Variants in IL1R1 observed in about 807,000 individuals in gnomAD.
The protein encoded by IL1R1 is interleukin-1 receptor type 1.
IL1R1 carries 22 observed loss-of-function variants against 50.2 expected under a neutral mutation model. The ratio of observed to expected loss-of-function variants is 0.44; its 90% CI spans 0.31 to 0.63. The LOEUF (loss-of-function observed/expected upper bound fraction) is 0.63. Ranked by LOEUF, IL1R1 falls within the 20% of genes least tolerant of loss-of-function variation. IL1R1 has a pLI of 0.07. For missense variants in IL1R1, 509 were observed against 676.2 expected, an observed-to-expected ratio of 0.75 and a Z score of 2.74; for synonymous variants, 251 against 236.7, an observed-to-expected ratio of 1.06 and a Z score of -0.55.
chr2:102,163,059 G>A (rs1559499986), intron 3 of IL1R1, among the ~76,000 whole-genome samples: 2 of 152,024 alleles, frequency 1.3e-5, no homozygotes, highest in Non-Finnish European at 2.9e-5. Flanking sequence ...GTACTTTAAC[G>A]ATATTGTTTT....
At position 102,093,146 on chromosome 2, in the gene IL1R1, C is replaced by T. The variant is rs559118250; in HGVS notation, c.-84+22613C>T. ...TTCAAGTAACTCACGTAGAACGTTT[C>T]TGAGGATTTAAGTTCCTATGGCCAA... is the stretch of plus-strand genomic sequence containing the variant. On this transcript the variant is annotated intron_variant, in intron 1 of 11. Transcript: ENST00000409929. Among the ~76,000 whole-genome samples the T allele has an allele frequency of 5.3e-5, 8 of 152,118 alleles. No individual in the cohort carries two copies. The South Asian group carries it at 1.5e-3, about 28-fold the overall frequency.
At chr2:102,084,903 T>C (rs189087620) in intron 1 of IL1R1, among the ~76,000 whole-genome samples, 43 of 152,376 alleles carry the variant, frequency 2.8e-4, no homozygotes, top group African/African-American at 9.4e-4. Context: ...TTTAATATTT[T>C]CTCTTATTCA....
In IL1R1 at chr2:102,165,227, G is replaced by A; in HGVS notation, c.409G>A (p.Asp137Asn). The A allele has an allele frequency of 6.2e-7, 1 of 1,608,552 alleles. No homozygotes were observed. The highest frequency in any genetic ancestry group is 1.1e-5 in the South Asian group (1 of 89,430). The stretch of plus-strand genomic sequence containing the variant: ...TAAGCAGAAACTACCCGTTGCAGGA[G>A]ACGGAGGACTTGTGTGCCCTTATAT... ...IFKQKLPVAG[D>N]GGLVCPYMEF... is the part of the protein sequence containing the mutation. The change falls in exon 5 of 12, where the codon GAC (aspartate) becomes AAC (asparagine). Residue 137 changes from aspartate to asparagine, a missense_variant. Coordinates refer to ENST00000410023, the MANE Select transcript of IL1R1 (RefSeq NM_000877.4).
chr2:102,127,448 T>G (rs1321736280), intron 1 of IL1R1, among the ~76,000 whole-genome samples: 2 of 152,154 alleles, frequency 1.3e-5, no homozygotes, highest in African/African-American at 4.8e-5. Context: ...ATAAAATGCA[T>G]CTACCACCTA....
At chr2:102,118,351 C>G (rs1207049510) in intron 1 of IL1R1, among the ~76,000 whole-genome samples, 1 of 152,196 alleles carries the variant, frequency 6.6e-6, no homozygotes, top group Non-Finnish European at 1.5e-5. Flanking sequence ...CCCTGCATAT[C>G]TCTTCATCTG....
intron 1 of IL1R1, among the ~76,000 whole-genome samples, chr2:102,128,670 T>A (rs1246506717): frequency 6.6e-6 from 1 of 152,220 alleles, no homozygotes; most frequent in Non-Finnish European, 1.5e-5. Context: ...CTAGTAACCA[T>A]CATTCTGCAC....
At chr2:102,155,919 G>A (rs1577985408) in intron 2 of IL1R1, among the ~76,000 whole-genome samples, 3 of 152,298 alleles carry the variant, frequency 2.0e-5, no homozygotes, top group South Asian at 4.1e-4. Context: ...TTATTATCTC[G>A]TGATACACTC....
chr2:102,106,106 G>T (rs147147369), intron 1 of IL1R1, among the ~76,000 whole-genome samples: 1 of 152,228 alleles, frequency 6.6e-6, no homozygotes, highest in East Asian at 1.9e-4. Context: ...TGAATTTTTC[G>T]CTGTGTTGGT....
chr2:102,139,854 A>T (rs1184982140), upstream of IL1R1, among the ~76,000 whole-genome samples: 3 of 152,208 alleles, frequency 2.0e-5, no homozygotes, highest in Non-Finnish European at 4.4e-5. Flanking sequence ...TGAGAGAATT[A>T]AATCTCTTTT....
chr2:102,090,660 T>C (rs1420051174), intron 1 of IL1R1, among the ~76,000 whole-genome samples: 1 of 152,228 alleles, frequency 6.6e-6, no homozygotes, highest in Non-Finnish European at 1.5e-5. Flanking sequence ...TTCCTTTTTA[T>C]AGATTTCAAT....
rs1680910994 is a variant in IL1R1, at chr2:102,113,758, G to T, written c.-84+8886G>T. On this transcript the variant is annotated intron_variant, in intron 1 of 10. Coordinates refer to the IL1R1 transcript ENST00000409329. Reference sequence around the variant, plus strand: ...CCACCTCATCTGCTATTCTAGAACCGGCCAGGATCAGCAGCCATCCATCTC... The same window carrying T: ...CCACCTCATCTGCTATTCTAGAACCTGCCAGGATCAGCAGCCATCCATCTC... 2.0e-5 allele frequency among the ~76,000 whole-genome samples: 3 copies of T among 152,242 alleles called. 1 individual carries two copies. The highest frequency in any genetic ancestry group is 3.4e-3 in the Middle Eastern group (1 of 294).
chr2:102,087,228 ACCCTTGAT>A (rs1242912207), intron 1 of IL1R1, among the ~76,000 whole-genome samples: 8 of 152,148 alleles, frequency 5.3e-5, no homozygotes, highest in African/African-American at 1.9e-4. Flanking sequence ...TGGGAGGTCT[ACCCTTGAT>A]GTTGATGGCT....
chr2:102,100,132 G>T (rs1468412105), upstream of IL1R1, among the ~76,000 whole-genome samples: 1 of 152,152 alleles, frequency 6.6e-6, no homozygotes, highest in Non-Finnish European at 1.5e-5. Context: ...CACATCGTCG[G>T]GTTCTTTTGG....
chr2:102,150,791 C>T (rs1683582991), intron 1 of IL1R1, among the ~76,000 whole-genome samples: 1 of 152,178 alleles, frequency 6.6e-6, no homozygotes, highest in South Asian at 2.1e-4. Context: ...GCACTGCCCG[C>T]TGTCTTTCCT....
rs1350304143 is a variant in IL1R1, at chr2:102,170,356, A to G, written c.722-1445A>G. The stretch of plus-strand genomic sequence containing the variant: ...TTCTCACTAAAGCCAAGAGCAAGAC[A>G]AAGATGCCCATGTAACCACTATTAC... On this transcript the variant is annotated intron_variant, in intron 7 of 11. Transcript: ENST00000410023. Among the ~76,000 whole-genome samples the G allele has an allele frequency of 2.6e-5, 4 of 152,352 alleles. No homozygotes were observed. The Middle Eastern group carries it at 0.01, about 389-fold the overall frequency.
intron 2 of IL1R1, among the ~76,000 whole-genome samples, chr2:102,157,503 A>G (rs1029906593): frequency 1.3e-5 from 2 of 152,154 alleles, no homozygotes; most frequent in Non-Finnish European, 2.9e-5. Context: ...TTTGTTCTCA[A>G]TTTTGTGAAA....
chr2:102,072,404 CA>C (rs1678772175), intron 1 of IL1R1, among the ~76,000 whole-genome samples: 1 of 152,132 alleles, frequency 6.6e-6, no homozygotes, highest in South Asian at 2.1e-4. Context: ...CTTTATCCTC[CA>C]AAACAGATTT....
intron 1 of IL1R1, among the ~76,000 whole-genome samples, chr2:102,145,368 C>T (rs1683026305): frequency 6.6e-6 from 1 of 152,150 alleles, no homozygotes. Flanking sequence ...CTGCTGGAGC[C>T]TCCCGGCCAT....
At chr2:102,121,613 C>G (rs181808096) in intron 1 of IL1R1, among the ~76,000 whole-genome samples, 5 of 152,346 alleles carry the variant, frequency 3.3e-5, no homozygotes, top group African/African-American at 9.6e-5. Flanking sequence ...CTGGCTTACT[C>G]TAGGGTTTAT....
Sources: allele counts gnomAD v4.1 joint callset (sites outside exome capture counted in the v4.1 genomes callset), GRCh38; gene constraint gnomAD v4.1.1; transcripts MANE v1.5; gene names NCBI Gene and HGNC (gene_info 2026-07-23, HGNC 2026-07-21).